The following DMXL2 variants were observed in gnomAD, a reference collection of about 807,000 sequenced individuals.
The protein encoded by DMXL2 is dmX-like protein 2.
In DMXL2, 103 loss-of-function variants were observed where a neutral mutation model predicts 331.1. That is an observed-to-expected ratio of 0.31 (90% CI 0.27 to 0.37). The LOEUF is 0.37. Ranked by LOEUF, DMXL2 falls within the 10% of genes least tolerant of loss-of-function variation. The pLI, the probability that DMXL2 is intolerant of heterozygous loss-of-function variation, is 1.00. For synonymous variants in DMXL2, 1,281 were observed against 1,252.1 expected, an observed-to-expected ratio of 1.02 and a Z score of -0.49; for missense variants, 3,171 against 3,642.9, an observed-to-expected ratio of 0.87 and a Z score of 3.33.
intron 32 of DMXL2, 53 bp downstream of exon 32, chr15:51,464,622 C>T: frequency 1.3e-6 from 2 of 1,515,056 alleles, no homozygotes; most frequent in Non-Finnish European, 1.8e-6. Context: ...GCCAAACTGT[C>T]TTCCAGAAAA....
intron 1 of DMXL2, among the ~76,000 whole-genome samples, chr15:51,589,094 C>T (rs1049097167): frequency 1.2e-4 from 19 of 152,226 alleles, no homozygotes; most frequent in African/African-American, 4.3e-4. Flanking sequence ...CTGGAAATGA[C>T]GGTGGCTAAT....
chr15:51,451,749 C>G, intron 41 of DMXL2, 52 bp from the exon 42 acceptor site: 1 of 1,483,156 alleles, frequency 6.7e-7, no homozygotes, highest in East Asian at 2.3e-5. Context: ...TGTTATAAGT[C>G]GTCATCAGGG....
intron 6 of DMXL2, among the ~76,000 whole-genome samples, chr15:51,557,257 A>T (rs139031365): frequency 6.6e-6 from 1 of 152,308 alleles, no homozygotes; most frequent in Non-Finnish European, 1.5e-5. Context: ...ATTATTTTTT[A>T]AAAATTTACA....
chr15:51,605,517 CTTTTTTTTTTTTTTTTTTTT>C (rs58113467), intron 1 of DMXL2, among the ~76,000 whole-genome samples: 3 of 22,188 alleles, frequency 1.4e-4, no homozygotes, highest in South Asian at 2.0e-3. Flanking sequence ...GATTAATATT[CTTTTTTTTTTTTTTTTTTTT>C]TTTTTTTTTT....
chr15:51,518,872 C>T (rs1378626408), intron 13 of DMXL2, among the ~76,000 whole-genome samples: 3 of 152,084 alleles, frequency 2.0e-5, no homozygotes, highest in African/African-American at 7.2e-5. Flanking sequence ...CACCTCCAAC[C>T]AAGGAACTCA....
chr15:51,572,400 A>G (rs965070570), intron 2 of DMXL2, among the ~76,000 whole-genome samples: 2 of 152,168 alleles, frequency 1.3e-5, no homozygotes, highest in African/African-American at 2.4e-5. Flanking sequence ...ATTCCAAACA[A>G]TAAAAAAAGA....
chr15:51,478,425 T>C, intron 25 of DMXL2, 78 bp from the exon 26 acceptor site: 1 of 1,278,346 alleles, frequency 7.8e-7, no homozygotes, highest in South Asian at 1.3e-5. Context: ...TTAGAAAACA[T>C]CCAGGAAACC....
intron 3 of DMXL2, chr15:51,567,330 C>T (rs1369986633): frequency 6.6e-6 from 1 of 152,184 alleles, no homozygotes; most frequent in African/African-American, 2.4e-5. Flanking sequence ...TGTGAGCCAC[C>T]ACACCTGGCT....
At chr15:51,491,491 A>C (rs1405973095) in intron 20 of DMXL2, 87 bp downstream of exon 20, 1 of 1,341,176 alleles carries the variant, frequency 7.5e-7, no homozygotes, top group Non-Finnish European at 1.0e-6. Flanking sequence ...CAAATTTCCC[A>C]CTACAGGTTT....
intron 13 of DMXL2, among the ~76,000 whole-genome samples, chr15:51,523,743 T>G (rs2047508969): frequency 6.6e-6 from 1 of 152,208 alleles, no homozygotes; most frequent in African/African-American, 2.4e-5. Flanking sequence ...ATCCTCCCCT[T>G]GAATATCAGA....
At chr15:51,610,127 A>T (rs1187992080) in intron 1 of DMXL2, among the ~76,000 whole-genome samples, 3 of 152,220 alleles carry the variant, frequency 2.0e-5, no homozygotes, top group Non-Finnish European at 4.4e-5. Flanking sequence ...TGCCAACCAA[A>T]GAAAGCTAAT....
At chr15:51,505,357 G>A (rs988787863) in intron 16 of DMXL2, among the ~76,000 whole-genome samples, 4 of 152,174 alleles carry the variant, frequency 2.6e-5, no homozygotes, top group African/African-American at 9.7e-5. Flanking sequence ...TCTAGCCCTG[G>A]CTTTAGTGAG....
At chr15:51,580,748 T>C (rs1021897665) in intron 1 of DMXL2, among the ~76,000 whole-genome samples, 12 of 151,426 alleles carry the variant, frequency 7.9e-5, no homozygotes, top group African/African-American at 2.9e-4. Flanking sequence ...GATTAGCTGA[T>C]ATTAGTAATT....
chr15:51,496,769 G>C (rs1258783928), intron 18 of DMXL2, among the ~76,000 whole-genome samples: 1 of 152,204 alleles, frequency 6.6e-6, no homozygotes, highest in East Asian at 1.9e-4. Flanking sequence ...CAATGAACTG[G>C]ATACTGGGTA....
chr15:51,598,103 T>A (rs1436196149), intron 1 of DMXL2, among the ~76,000 whole-genome samples: 1 of 152,206 alleles, frequency 6.6e-6, no homozygotes, highest in Non-Finnish European at 1.5e-5. Flanking sequence ...TTGAGGAAGT[T>A]CCTAATTTTA....
chr15:51,493,337 A>T (rs1361484749), intron 19 of DMXL2, among the ~76,000 whole-genome samples: 1 of 152,204 alleles, frequency 6.6e-6, no homozygotes, highest in African/African-American at 2.4e-5. Context: ...CCTTAAATTA[A>T]TTAAAATTTT....
chr15:51,620,012 C>T (rs777201758), intron 1 of DMXL2, among the ~76,000 whole-genome samples: 147 of 152,154 alleles, frequency 9.7e-4, no homozygotes, highest in Non-Finnish European at 1.7e-3. Context: ...AAGTGACAGG[C>T]TCCATGAAGA....
chr15:51,480,729 C>T lies in DMXL2; in HGVS notation c.6377G>A (p.Arg2126His), dbSNP rs781633691. Residue 2126 changes from arginine to histidine, a missense_variant, in exon 24 of 44, where the codon CGC becomes CAC. Physicochemically the swap from Arg to His is conservative, Grantham distance 29. This residue lies in a region of DMXL2 where 197 missense variants were observed against 196.2 expected (regional missense o/e 1.00). Coordinates refer to ENST00000560891, the MANE Select transcript of DMXL2 (RefSeq NM_001378457.1). ...VDKPDIGSYE[R>H]HQIERRRLQA... ...CAATCTTCTTCTTTCTATTTGATGGCGCTCATAGGAACCAATATCTGGTTT... is the reference window on the plus strand; with the variant it reads ...CAATCTTCTTCTTTCTATTTGATGGTGCTCATAGGAACCAATATCTGGTTT... 74 of 1,603,014 alleles carry T rather than the reference C, an allele frequency of 4.6e-5. No homozygotes were observed. The highest frequency in any genetic ancestry group is 5.9e-5 in the Non-Finnish European group (69 of 1,172,814).
intron 2 of DMXL2, among the ~76,000 whole-genome samples, chr15:51,573,523 A>T (rs998341310): frequency 3.9e-5 from 6 of 152,240 alleles, no homozygotes; most frequent in African/African-American, 1.4e-4. Context: ...GCCATAAAAA[A>T]GGATGAGTTC....
Sources: allele counts gnomAD v4.1 joint callset (sites outside exome capture counted in the v4.1 genomes callset), GRCh38; gene constraint gnomAD v4.1.1; regional missense constraint gnomAD v4.1.1; transcripts MANE v1.5; gene names NCBI Gene and HGNC (gene_info 2026-07-23, HGNC 2026-07-21).